The following SEMA6A variants were observed in gnomAD, a reference collection of about 807,000 sequenced individuals.
SEMA6A encodes the protein semaphorin-6A.
SEMA6A carries 25 observed loss-of-function variants against 96.8 expected under a neutral mutation model. The ratio of observed to expected loss-of-function variants is 0.26; its 90% CI spans 0.19 to 0.36. The LOEUF (loss-of-function observed/expected upper bound fraction) is 0.36, where lower values mean the gene tolerates loss of function less well. SEMA6A is among the 10% of genes least tolerant of loss of function. The pLI is 1.00. For synonymous variants in SEMA6A, 612 were observed against 518.0 expected, an observed-to-expected ratio of 1.18 and a Z score of -2.46; for missense variants, 1,363 against 1,323.1, an observed-to-expected ratio of 1.03 and a Z score of -0.47.
intron 12 of SEMA6A, among the ~76,000 whole-genome samples, chr5:116,479,789 T>TC (rs1272788129): frequency 6.6e-6 from 1 of 152,208 alleles, no homozygotes; most frequent in Non-Finnish European, 1.5e-5. Context: ...TTCCAACCAA[T>TC]CAGGTATCCA....
intron 1 of SEMA6A, among the ~76,000 whole-genome samples, chr5:116,518,618 AG>A (rs761261501): frequency 1.3e-5 from 2 of 152,272 alleles, no homozygotes; most frequent in Non-Finnish European, 2.9e-5. Flanking sequence ...ACACACACCC[AG>A]CCCTGCAGGC....
chr5:116,479,983 G>T (rs918670401), intron 12 of SEMA6A, 139 bp downstream of exon 12: 22 of 950,926 alleles, frequency 2.3e-5, no homozygotes, highest in Non-Finnish European at 3.3e-5. Flanking sequence ...CCAACCAATC[G>T]GCCACCATTT....
chr5:116,461,628 C>T (rs943866359), intron 18 of SEMA6A, among the ~76,000 whole-genome samples: 2 of 152,148 alleles, frequency 1.3e-5, no homozygotes, highest in African/African-American at 4.8e-5. Context: ...AGGGAAAGAA[C>T]TGAAGGAAAG....
chr5:116,494,909 G>T (rs1459426483), intron 6 of SEMA6A, among the ~76,000 whole-genome samples: 2 of 148,128 alleles, frequency 1.4e-5, no homozygotes, highest in East Asian at 4.2e-4. Context: ...GCTTTTTCCA[G>T]CCCTTGCATA....
At chr5:116,482,349 G>C in intron 11 of SEMA6A, 95 bp downstream of exon 11, 1 of 1,332,208 alleles carries the variant, frequency 7.5e-7, no homozygotes, top group Non-Finnish European at 1.0e-6. Flanking sequence ...TGGCATGGAA[G>C]GCACTGGTGC....
At chr5:116,448,177 A>T (rs1461871972) in intron 18 of SEMA6A, among the ~76,000 whole-genome samples, 1 of 22,918 alleles carries the variant, frequency 4.4e-5, no homozygotes, top group Non-Finnish European at 2.7e-4. Context: ...TACTAAAAAA[A>T]AAAAAAAAAA....
chr5:116,460,358 G>C (rs182480447), intron 18 of SEMA6A, among the ~76,000 whole-genome samples: 327 of 152,054 alleles, frequency 2.2e-3, no homozygotes, highest in Middle Eastern at 6.8e-3. Context: ...AATATTTTTC[G>C]TGGAATAAGA....
At chr5:116,560,818 G>A (rs1044174440) in intron 1 of SEMA6A, among the ~76,000 whole-genome samples, 3 of 152,070 alleles carry the variant, frequency 2.0e-5, no homozygotes, top group African/African-American at 7.2e-5. Flanking sequence ...GACAGTGAGT[G>A]TCCCCTCCTA....
At chr5:116,448,035 T>G (rs998442516) in intron 18 of SEMA6A, among the ~76,000 whole-genome samples, 2 of 151,976 alleles carry the variant, frequency 1.3e-5, no homozygotes, top group African/African-American at 4.8e-5. Context: ...CTTTGTTGTC[T>G]AAAAAAGTGC....
intron 1 of SEMA6A, among the ~76,000 whole-genome samples, chr5:116,547,368 A>G (rs1452809098): frequency 6.6e-6 from 1 of 152,196 alleles, no homozygotes; most frequent in Non-Finnish European, 1.5e-5. Context: ...TATTCATCCT[A>G]CATTTGTATG....
chr5:116,468,357 G>A (rs1755900476), intron 17 of SEMA6A: 1 of 152,310 alleles, frequency 6.6e-6, no homozygotes, highest in East Asian at 1.9e-4. Flanking sequence ...TTAGTTAGTG[G>A]TTTCCAAAGG....
Position 116,443,875 on chromosome 5 carries a change from G to A in SEMA6A, c.*2738C>T, listed in dbSNP as rs1487825479. ...TGGGGAGAAATACTTAAATGCAGAA[G>A]ACCAGCTCAATACATGTGGGTATTT... On this transcript the variant is annotated 3_prime_UTR_variant, in exon 19 of 19. Coordinates refer to ENST00000343348, the MANE Select transcript of SEMA6A (RefSeq NM_020796.5). The A allele has an allele frequency of 6.6e-6, 1 of 152,568 alleles. No homozygotes were observed. Among genetic ancestry groups the A allele is most frequent in the Non-Finnish European group, 1.5e-5 (1 of 68,044 alleles). The allele number at this position is 152,568 out of a possible 1,614,324, so 9.5% of individuals were successfully genotyped here. A position where few individuals can be genotyped will look rare whatever the true frequency, so the allele number is the denominator to read the frequency against.
chr5:116,484,795 A>C (rs1756968919), intron 10 of SEMA6A, among the ~76,000 whole-genome samples: 1 of 152,196 alleles, frequency 6.6e-6, no homozygotes, highest in African/African-American at 2.4e-5. Flanking sequence ...CAGGTGGGCA[A>C]ATCTCGCAGA....
At chr5:116,528,566 A>C (rs551706938) in intron 1 of SEMA6A, among the ~76,000 whole-genome samples, 1 of 152,216 alleles carries the variant, frequency 6.6e-6, no homozygotes, top group African/African-American at 2.4e-5. Context: ...CAGAGGTGTC[A>C]TCATTCTGCC....
intron 17 of SEMA6A, among the ~76,000 whole-genome samples, chr5:116,470,129 C>T (rs1756028385): frequency 6.6e-6 from 1 of 151,918 alleles, no homozygotes; most frequent in South Asian, 2.1e-4. Context: ...TTAGAACCAC[C>T]CTGTAAAAGC....
chr5:116,527,091 T>C (rs1759261473), intron 1 of SEMA6A, among the ~76,000 whole-genome samples: 2 of 152,154 alleles, frequency 1.3e-5, no homozygotes, highest in African/African-American at 4.8e-5. Flanking sequence ...CTGAGAAAGA[T>C]ATAGCTGGCC....
intron 2 of SEMA6A, among the ~76,000 whole-genome samples, chr5:116,503,784 G>A (rs1310890920): frequency 6.6e-6 from 1 of 151,996 alleles, no homozygotes; most frequent in Admixed American, 6.6e-5. Flanking sequence ...CAAAGTGCTG[G>A]GATTACAGGC....
intron 3 of SEMA6A, 124 bp downstream of exon 3, chr5:116,502,086 G>C (rs1418184871): frequency 2.9e-6 from 2 of 682,972 alleles, no homozygotes; most frequent in Non-Finnish European, 5.1e-6. Context: ...GTTAAAGGAG[G>C]CTTTAAGTTA....
chr5:116,502,152 T>C, intron 3 of SEMA6A, 58 bp downstream of exon 3: 2 of 1,383,278 alleles, frequency 1.4e-6, no homozygotes, highest in South Asian at 1.2e-5. Context: ...AGCTGGTAAA[T>C]TTAGGACCTT....
Sources: allele counts gnomAD v4.1 joint callset (sites outside exome capture counted in the v4.1 genomes callset), GRCh38; gene constraint gnomAD v4.1.1; transcripts MANE v1.5; gene names NCBI Gene and HGNC (gene_info 2026-07-23, HGNC 2026-07-21).